Variants in TLL1 observed in about 807,000 individuals in gnomAD.
TLL1 encodes the protein tolloid like 1, also known as tolloid-like protein 1.
Under a neutral mutation model 128.2 loss-of-function variants are expected in TLL1, and 49 were observed. The observed-to-expected ratio is 0.38, with a 90% CI of 0.30 to 0.48. The LOEUF (loss-of-function observed/expected upper bound fraction) is 0.48, where lower values mean the gene tolerates loss of function less well. TLL1 is among the 20% of genes least tolerant of loss of function. The pLI, the probability that TLL1 is intolerant of heterozygous loss-of-function variation, is 0.96. For missense variants in TLL1, 1,123 were observed against 1,242.0 expected, an observed-to-expected ratio of 0.90 and a Z score of 1.44; for synonymous variants, 454 against 418.8, an observed-to-expected ratio of 1.08 and a Z score of -1.03.
At chr4:166,051,798 T>TG (rs1739752390) in intron 12 of TLL1, among the ~76,000 whole-genome samples, 1 of 152,214 alleles carries the variant, frequency 6.6e-6, no homozygotes, top group Non-Finnish European at 1.5e-5. Flanking sequence ...CATATTATTT[T>TG]CTAGGCAACT....
intron 1 of TLL1, among the ~76,000 whole-genome samples, chr4:165,935,650 T>A (rs555846477): frequency 1.3e-5 from 2 of 152,356 alleles, no homozygotes; most frequent in East Asian, 3.9e-4. Flanking sequence ...ACTGCAATCT[T>A]GATTTTTATA....
At chr4:165,924,125 G>A (rs935438617) in intron 1 of TLL1, among the ~76,000 whole-genome samples, 2 of 152,012 alleles carry the variant, frequency 1.3e-5, no homozygotes, top group Admixed American at 6.6e-5. Context: ...ATTGAAATTA[G>A]GCCAGTTAAT....
chr4:165,930,393 A>G (rs115516202), intron 1 of TLL1, among the ~76,000 whole-genome samples: 1,741 of 152,302 alleles, frequency 0.011, 15 homozygotes, highest in Middle Eastern at 0.017. Context: ...ACTATTCACT[A>G]TATAATATGT....
chr4:165,878,365 AT>A (rs112754677), intron 1 of TLL1, among the ~76,000 whole-genome samples: 51 of 147,572 alleles, frequency 3.5e-4, no homozygotes, highest in East Asian at 7.9e-4. Context: ...TCAGATCTTG[AT>A]TTTTTTTTTT....
intron 1 of TLL1, among the ~76,000 whole-genome samples, chr4:165,944,468 G>C (rs1734153387): frequency 6.6e-6 from 1 of 152,164 alleles, no homozygotes; most frequent in Non-Finnish European, 1.5e-5. Flanking sequence ...GGAGCATAAT[G>C]GGTGGCAGGA....
At chr4:165,963,054 CAAAAAAA>C (rs869191830) in intron 1 of TLL1, among the ~76,000 whole-genome samples, 19 of 18,328 alleles carry the variant, frequency 1.0e-3, no homozygotes, top group African/African-American at 2.1e-3. Flanking sequence ...GGCTCTGTCT[CAAAAAAA>C]AAAAAAAAAA....
rs778021855 is a variant in TLL1 at position 165,945,183 on chromosome 4, T to C, written c.170-44198T>C. Among the ~76,000 whole-genome samples the C allele has an allele frequency of 4.6e-5, 7 of 152,138 alleles. No homozygotes were observed. In the South Asian group the frequency reaches 6.2e-4, roughly 13 times the overall value. The stretch of plus-strand genomic sequence containing the variant: ...AGAATGAGTGGTCAGCCTTGCCTGA[T>C]GCCACTGAAACATTACTAATCTTGG... On this transcript the variant is annotated intron_variant, in intron 1 of 20. Coordinates refer to ENST00000061240, the MANE Select transcript of TLL1 (RefSeq NM_012464.5).
chr4:166,031,050 C>CCCAT (rs1738744636), intron 9 of TLL1: 1 of 879,616 alleles, frequency 1.1e-6, no homozygotes, highest in African/African-American at 1.8e-5. Context: ...TAAGTTAATA[C>CCCAT]CCATGTAAAA....
chr4:166,035,578 G>A (rs950939591), intron 9 of TLL1, among the ~76,000 whole-genome samples: 4 of 151,976 alleles, frequency 2.6e-5, no homozygotes, highest in Admixed American at 6.6e-5. Flanking sequence ...CTTGAACCCA[G>A]GTCTTCTGAC....
At chr4:166,009,359 G>A (rs1322320190) in intron 7 of TLL1, among the ~76,000 whole-genome samples, 1 of 151,402 alleles carries the variant, frequency 6.6e-6, no homozygotes. Context: ...AACAGAGAAG[G>A]TACTGGAGAG....
At chr4:166,003,600 G>A (rs1417245702) in intron 6 of TLL1, 31 bp downstream of exon 6, 2 of 1,606,080 alleles carry the variant, frequency 1.2e-6, no homozygotes, top group African/African-American at 1.3e-5. Context: ...TGGGTTTAAG[G>A]CTGACTGGGT....
At chr4:165,911,668 CT>C (rs1732533284) in intron 1 of TLL1, among the ~76,000 whole-genome samples, 1 of 152,006 alleles carries the variant, frequency 6.6e-6, no homozygotes, top group African/African-American at 2.4e-5. Context: ...TTCAAGTTAA[CT>C]TTTTTAGTTA....
chr4:166,081,493 G>T (rs902634254), intron 18 of TLL1, among the ~76,000 whole-genome samples: 2 of 152,196 alleles, frequency 1.3e-5, no homozygotes, highest in Non-Finnish European at 2.9e-5. Context: ...AAAAGGATCT[G>T]TAAGTGTGTG....
intron 1 of TLL1, among the ~76,000 whole-genome samples, chr4:165,888,040 T>G (rs1038308805): frequency 2.6e-5 from 4 of 152,194 alleles, no homozygotes; most frequent in African/African-American, 9.6e-5. Flanking sequence ...ATAATTTATA[T>G]GTATATTCTT....
rs749987861 is a variant in TLL1 at position 166,091,319 on chromosome 4, C to A, written c.2634C>A (p.Gly878=). The change falls in exon 19 of 21, where the codon GGC becomes GGA. Residue 878 remains glycine, a synonymous_variant. Transcript: ENST00000061240. Reference sequence around the variant, plus strand: ...CTGATGCATCTGTTCAAAGAAAAGGCTTTCAAGCTACACATTCTACAGGTC... The same window carrying A: ...CTGATGCATCTGTTCAAAGAAAAGGATTTCAAGCTACACATTCTACAGGTC... ...FVSDASVQRK[G]FQATHSTECG... 1.2e-6 allele frequency: 2 copies of A among 1,612,638 alleles called. No individual in the cohort carries two copies. Among genetic ancestry groups the A allele is most frequent in the Non-Finnish European group, 1.7e-6 (2 of 1,179,234 alleles).
intron 16 of TLL1, among the ~76,000 whole-genome samples, chr4:166,073,863 C>G (rs1468185679): frequency 6.6e-6 from 1 of 152,082 alleles, no homozygotes; most frequent in Non-Finnish European, 1.5e-5. Flanking sequence ...CTAGCAAAAT[C>G]AGCTGAGAGT....
intron 15 of TLL1, among the ~76,000 whole-genome samples, chr4:166,062,626 G>A (rs1740375253): frequency 6.6e-6 from 1 of 152,136 alleles, no homozygotes; most frequent in South Asian, 2.1e-4. Flanking sequence ...GGGCAGAGAT[G>A]ATGGAGTTTT....
intron 1 of TLL1, among the ~76,000 whole-genome samples, chr4:165,886,860 C>A (rs992308221): frequency 1.3e-5 from 2 of 152,078 alleles, no homozygotes; most frequent in African/African-American, 4.8e-5. Context: ...GGAGGGAATG[C>A]ATTAATTATG....
intron 1 of TLL1, among the ~76,000 whole-genome samples, chr4:165,958,886 G>A (rs1182035121): frequency 2.1e-5 from 3 of 140,854 alleles, no homozygotes; most frequent in Admixed American, 7.2e-5. Flanking sequence ...ATTAATTTTT[G>A]TATAAGGTGT....
Sources: allele counts gnomAD v4.1 joint callset (sites outside exome capture counted in the v4.1 genomes callset), GRCh38; gene constraint gnomAD v4.1.1; transcripts MANE v1.5; gene names NCBI Gene and HGNC (gene_info 2026-07-23, HGNC 2026-07-21).